C12orf50: variants seen among roughly 807,000 people sequenced by gnomAD.
C12orf50 encodes uncharacterized protein C12orf50.
A neutral mutation model predicts 61.6 loss-of-function variants in C12orf50; 35 were observed. The observed-to-expected ratio is 0.57, with a 90% CI of 0.43 to 0.75. The LOEUF is 0.75. C12orf50 is among the 30% of genes least tolerant of loss of function. The pLI is 0.00. For missense variants in C12orf50, 475 were observed against 488.5 expected, an observed-to-expected ratio of 0.97 and a Z score of 0.26; for synonymous variants, 178 against 161.5, an observed-to-expected ratio of 1.10 and a Z score of -0.77.
intron 3 of C12orf50, among the ~76,000 whole-genome samples, chr12:88,022,740 G>T (rs1344158755): frequency 6.6e-6 from 1 of 152,084 alleles, no homozygotes; most frequent in East Asian, 1.9e-4. Context: ...AATCAGGAAT[G>T]CAATTCCATT....
chr12:87,981,703 A>T (rs1425178389), intron 12 of C12orf50, among the ~76,000 whole-genome samples: 1 of 151,950 alleles, frequency 6.6e-6, no homozygotes, highest in African/African-American at 2.4e-5. Flanking sequence ...CTTCATTTGG[A>T]CCCACTGTTC....
At position 87,994,724 on chromosome 12, in the gene C12orf50, C is replaced by T. The variant is rs745379659; in HGVS notation, c.501G>A (p.Pro167=). ...ELQEGDSLTV[P]TKLSQYERQG... is the part of the protein sequence containing the mutation. ...GCCTTTCATATTGGCTAAGTTTTGT[C>T]GGAACTGTAAGACTATCTCCTAGAA... Residue 167 remains proline, a synonymous_variant, in exon 7 of 13, where the codon CCG becomes CCA. Transcript: ENST00000298699. The T allele has an allele frequency of 2.2e-5, 35 of 1,611,092 alleles. No homozygotes were observed. The highest frequency in any genetic ancestry group is 3.3e-4 in the Middle Eastern group (2 of 6,072).
intron 4 of C12orf50, 118 bp downstream of exon 4, chr12:87,997,914 GTTA>G (rs1356512602): frequency 1.6e-5 from 11 of 692,558 alleles, no homozygotes; most frequent in Admixed American, 3.4e-5. Context: ...TACAATTATA[GTTA>G]TTTTCTCAGC....
chr12:87,998,919 T>C (rs2031536353), intron 3 of C12orf50, among the ~76,000 whole-genome samples: 1 of 152,200 alleles, frequency 6.6e-6, no homozygotes. Context: ...TGCAAAGTAA[T>C]TAAGTTGCAC....
At chr12:87,982,989 T>C (rs1186431011) in intron 12 of C12orf50, 114 bp downstream of exon 12, 4 of 536,532 alleles carry the variant, frequency 7.5e-6, no homozygotes, top group Non-Finnish European at 3.3e-6. Flanking sequence ...TAAGTGTGCA[T>C]GTATATCTTG....
At chr12:88,008,214 C>T (rs1349366820) in intron 3 of C12orf50, among the ~76,000 whole-genome samples, 2 of 152,172 alleles carry the variant, frequency 1.3e-5, no homozygotes, top group Non-Finnish European at 2.9e-5. Flanking sequence ...TCTCCCTCCT[C>T]CAACCCTCTA....
intron 3 of C12orf50, among the ~76,000 whole-genome samples, chr12:88,010,809 T>G (rs956321336): frequency 1.3e-5 from 2 of 152,040 alleles, no homozygotes; most frequent in African/African-American, 4.8e-5. Context: ...ATAATTCAAG[T>G]GCATTACTTG....
intron 3 of C12orf50, among the ~76,000 whole-genome samples, chr12:88,005,790 T>C (rs979716217): frequency 6.6e-6 from 1 of 151,694 alleles, no homozygotes; most frequent in African/African-American, 2.4e-5. Context: ...GCCCAGTAGT[T>C]ACCTGCAAGG....
chr12:88,001,154 G>A (rs543221929), intron 3 of C12orf50, among the ~76,000 whole-genome samples: 1 of 151,714 alleles, frequency 6.6e-6, no homozygotes, highest in Non-Finnish European at 1.5e-5. Flanking sequence ...TTCTTTATCA[G>A]GTTGAAGAAG....
Position 88,026,509 on chromosome 12 carries a change from A to G in C12orf50, c.112T>C (p.Leu38=), listed in dbSNP as rs544499254. The change falls in exon 3 of 13, where the codon TTA becomes CTA. Residue 38 remains leucine, a synonymous_variant. Coordinates refer to ENST00000298699, the MANE Select transcript of C12orf50 (RefSeq NM_152589.3). ...YHSKPRNING[L]FLPPSSNITL... ...TCACTGCTACTTGGTGGCAAAAATA[A>G]TCCATTGATATTTCGAGGTTTGCTG... The G allele has an allele frequency of 2.5e-6, 4 of 1,613,856 alleles. No individual in the cohort carries two copies. In the African/African-American group the frequency reaches 5.3e-5, roughly 22 times the overall value.
At chr12:88,013,587 C>CA (rs1212606441) in intron 3 of C12orf50, among the ~76,000 whole-genome samples, 2 of 150,954 alleles carry the variant, frequency 1.3e-5, no homozygotes, top group South Asian at 2.1e-4. Flanking sequence ...CAAATGGTTC[C>CA]AAAAAAACAA....
At chr12:88,012,423 T>C (rs540547877) in intron 3 of C12orf50, among the ~76,000 whole-genome samples, 1 of 152,188 alleles carries the variant, frequency 6.6e-6, no homozygotes, top group African/African-American at 2.4e-5. Flanking sequence ...ACTAAACAAA[T>C]TGTTTTCATT....
At chr12:87,984,222 C>G (rs1467091430) in intron 11 of C12orf50, 1 of 152,104 alleles carries the variant, frequency 6.6e-6, no homozygotes, top group Non-Finnish European at 1.5e-5. Context: ...ACTTTGCCCA[C>G]TTTTTGATGG....
At position 87,998,859 on chromosome 12, in the gene C12orf50, G is replaced by A. The variant is rs1473060499; in HGVS notation, c.134-669C>T. Among the ~76,000 whole-genome samples the A allele has an allele frequency of 2.6e-5, 4 of 152,114 alleles. No individual in the cohort carries two copies. The East Asian group carries it at 7.7e-4, about 29-fold the overall frequency. On this transcript the variant is annotated intron_variant, in intron 3 of 12. Transcript: ENST00000298699. ...AGGGTACATAGACCATTCAATGGGGGAAAAAATAGTATTTTCAACAAATGT... is the reference window on the plus strand; with the variant it reads ...AGGGTACATAGACCATTCAATGGGGAAAAAAATAGTATTTTCAACAAATGT...
chr12:88,014,710 C>T (rs1372790445), intron 3 of C12orf50, among the ~76,000 whole-genome samples: 1 of 152,202 alleles, frequency 6.6e-6, no homozygotes, highest in East Asian at 1.9e-4. Flanking sequence ...TTGTCTTCAT[C>T]TGTAAAATCG....
chr12:87,987,054 C>T (rs1452916313), intron 9 of C12orf50, among the ~76,000 whole-genome samples: 1 of 152,090 alleles, frequency 6.6e-6, no homozygotes, highest in East Asian at 1.9e-4. Context: ...GTAGAGGGGG[C>T]ATTCTGTTAC....
intron 3 of C12orf50, among the ~76,000 whole-genome samples, chr12:88,014,336 C>G (rs147123313): frequency 0.08 from 12,240 of 152,114 alleles, 522 homozygotes; most frequent in Non-Finnish European, 0.089. Flanking sequence ...GAGTCTCGCT[C>G]TGTTGCCCAG....
intron 2 of C12orf50, 120 bp downstream of exon 2, chr12:88,026,831 G>T: frequency 6.9e-7 from 1 of 1,456,276 alleles, no homozygotes; most frequent in Non-Finnish European, 9.2e-7. Context: ...ATTGCAAAAT[G>T]CCTAAAATCA....
chr12:88,029,668 C>G (rs1375377077), upstream of C12orf50, among the ~76,000 whole-genome samples: 2 of 152,072 alleles, frequency 1.3e-5, no homozygotes, highest in East Asian at 3.9e-4. Flanking sequence ...AAGTAAACAG[C>G]TATTTCTAAA....
Sources: allele counts gnomAD v4.1 joint callset (sites outside exome capture counted in the v4.1 genomes callset), GRCh38; gene constraint gnomAD v4.1.1; transcripts MANE v1.5; gene names NCBI Gene and HGNC (gene_info 2026-07-23, HGNC 2026-07-21).